The following LMTK2 variants were observed in gnomAD, a reference collection of about 807,000 sequenced individuals.
LMTK2 encodes the protein lemur tail kinase 2, also known as serine/threonine-protein kinase LMTK2.
A neutral mutation model predicts 127.5 loss-of-function variants in LMTK2; 37 were observed. The observed-to-expected ratio is 0.29, with a 90% CI of 0.22 to 0.38. The LOEUF (loss-of-function observed/expected upper bound fraction) is 0.38, where lower values mean the gene tolerates loss of function less well. Among genes scored for constraint, LMTK2 ranks in the 10% least tolerant of loss-of-function variants. The pLI is 1.00. For synonymous variants in LMTK2, 819 were observed against 810.1 expected, an observed-to-expected ratio of 1.01 and a Z score of -0.19; for missense variants, 1,694 against 1,920.3, an observed-to-expected ratio of 0.88 and a Z score of 2.20.
chr7:98,164,601 T>A (rs541023136), intron 6 of LMTK2, among the ~76,000 whole-genome samples: 12 of 152,282 alleles, frequency 7.9e-5, no homozygotes, highest in African/African-American at 2.9e-4. Flanking sequence ...TTCTAATTAT[T>A]AAATAAAAGC....
intron 6 of LMTK2, among the ~76,000 whole-genome samples, chr7:98,165,385 G>A (rs1177665800): frequency 2.0e-5 from 3 of 152,232 alleles, no homozygotes; most frequent in East Asian, 1.9e-4. Context: ...CCCAGGCTGC[G>A]TGTGTCAGGG....
chr7:98,112,921 A>G (rs1344243363), intron 1 of LMTK2, among the ~76,000 whole-genome samples: 2 of 152,178 alleles, frequency 1.3e-5, no homozygotes, highest in African/African-American at 2.4e-5. Flanking sequence ...CAATGGCACA[A>G]TCACAGCTCA....
At chr7:98,181,718 G>A (rs553171118) in intron 7 of LMTK2, among the ~76,000 whole-genome samples, 1 of 152,266 alleles carries the variant, frequency 6.6e-6, no homozygotes, top group East Asian at 1.9e-4. Context: ...GAGTGCAGTG[G>A]CACGATCTCA....
intron 9 of LMTK2, among the ~76,000 whole-genome samples, chr7:98,189,926 G>A (rs1432233481): frequency 6.6e-6 from 1 of 152,016 alleles, no homozygotes; most frequent in Non-Finnish European, 1.5e-5. Flanking sequence ...TCACAGAGAG[G>A]ATATCGTCTT....
intron 11 of LMTK2, among the ~76,000 whole-genome samples, chr7:98,197,543 A>G (rs921434864): frequency 2.0e-5 from 3 of 152,202 alleles, no homozygotes; most frequent in Non-Finnish European, 4.4e-5. Flanking sequence ...CTCCAGCCTG[A>G]TCCGTCATAC....
chr7:98,152,374 G>T (rs1796871889), intron 4 of LMTK2, among the ~76,000 whole-genome samples: 1 of 152,238 alleles, frequency 6.6e-6, no homozygotes, highest in Non-Finnish European at 1.5e-5. Flanking sequence ...CTTCCCAGTA[G>T]TCAGCCATCT....
In LMTK2 at chr7:98,107,014, G is replaced by A. The variant is rs547378746; in HGVS notation, c.-164G>A. On this transcript the variant is annotated 5_prime_UTR_variant, in exon 1 of 14. Coordinates refer to ENST00000297293, the MANE Select transcript of LMTK2 (RefSeq NM_014916.4). ...TTCTGCGACTGGAGCGGCAGGTGCG[G>A]ACCGGGAGCCGGACCGAGGTTTGGC... 99 of 493,370 alleles carry A rather than the reference G, an allele frequency of 2.0e-4. No homozygotes were observed. The highest frequency in any genetic ancestry group is 1.9e-3 in the African/African-American group (92 of 49,532). The allele number at this position is 493,370 out of a possible 1,614,324, so 30.6% of individuals were successfully genotyped here. A position where few individuals can be genotyped will look rare whatever the true frequency, so the allele number is the denominator to read the frequency against.
At chr7:98,190,924 G>T in intron 10 of LMTK2, 47 bp downstream of exon 10, 1 of 1,581,056 alleles carries the variant, frequency 6.3e-7, no homozygotes, top group East Asian at 2.3e-5. Flanking sequence ...TTCACTGTGA[G>T]GTGTCCCCAA....
chr7:98,140,077 ACTTTCTTTCTTT>A lies in LMTK2; in HGVS notation c.232-1263_232-1252del, dbSNP rs1197009143. Among the ~76,000 whole-genome samples, 19 of 23,710 alleles carry A rather than the reference ACTTTCTTTCTTT, an allele frequency of 8.0e-4. 2 individuals carry two copies. Among genetic ancestry groups the A allele is most frequent in the Admixed American group, 1.6e-3 (5 of 3,138 alleles). 15.6% of individuals were successfully genotyped at this position (23,710 alleles called of 152,430 possible). ...GAACGTCACGTAAAAGGTTTCCACA[ACTTTCTTTCTTT>A]CTTTCTTTCTTTCTTTCTTTCTTTC... On this transcript the variant is annotated intron_variant, in intron 2 of 13. Coordinates refer to ENST00000297293, the MANE Select transcript of LMTK2 (RefSeq NM_014916.4).
chr7:98,108,297 T>A (rs993684135), intron 1 of LMTK2, among the ~76,000 whole-genome samples: 10 of 152,326 alleles, frequency 6.6e-5, no homozygotes, highest in African/African-American at 1.9e-4. Flanking sequence ...TGATTTTTTT[T>A]AAGTCTTGTA....
intron 2 of LMTK2, among the ~76,000 whole-genome samples, chr7:98,140,204 T>C (rs554599272): frequency 0.053 from 7,279 of 137,266 alleles, 2,015 homozygotes; most frequent in East Asian, 0.42. Context: ...GTCTTTGAGA[T>C]GGTCTCGCTC....
At chr7:98,124,785 T>TAA (rs141020575) in intron 1 of LMTK2, among the ~76,000 whole-genome samples, 16 of 149,774 alleles carry the variant, frequency 1.1e-4, no homozygotes, top group Non-Finnish European at 1.0e-4. Flanking sequence ...ACTGTGTCTC[T>TAA]AAAAAAAAAA....
chr7:98,205,659 C>A lies in LMTK2; in HGVS notation c.*167C>A. On this transcript the variant is annotated 3_prime_UTR_variant, in exon 14 of 14. Transcript: ENST00000297293. ...GCTCTTAGCTGCGTTCAAGGCGGGG[C>A]CCTCGGGAGCCCAGGTGCAGAGCGA... The A allele has an allele frequency of 1.4e-6, 1 of 721,314 alleles. No individual in the cohort carries two copies. The highest frequency in any genetic ancestry group is 2.3e-6 in the Non-Finnish European group (1 of 433,316). 44.7% of individuals were successfully genotyped at this position (721,314 alleles called of 1,614,324 possible). A position where few individuals can be genotyped will look rare whatever the true frequency, so the allele number is the denominator to read the frequency against.
intron 1 of LMTK2, among the ~76,000 whole-genome samples, chr7:98,128,666 C>A (rs749728720): frequency 5.3e-5 from 8 of 152,270 alleles, no homozygotes; most frequent in Non-Finnish European, 1.0e-4. Flanking sequence ...TGGCTCTGCC[C>A]GTGTGTGGGG....
intron 1 of LMTK2, among the ~76,000 whole-genome samples, chr7:98,111,421 C>T (rs1329365454): frequency 6.6e-6 from 1 of 152,118 alleles, no homozygotes; most frequent in Non-Finnish European, 1.5e-5. Flanking sequence ...CCAACTTTTT[C>T]GTTTAGTTGA....
At chr7:98,109,919 C>T (rs993458142) in intron 1 of LMTK2, among the ~76,000 whole-genome samples, 5 of 151,870 alleles carry the variant, frequency 3.3e-5, no homozygotes, top group Admixed American at 2.0e-4. Flanking sequence ...CTAGTGAGCT[C>T]GCTGGTTAAA....
intron 7 of LMTK2, among the ~76,000 whole-genome samples, chr7:98,176,360 T>C (rs1265448499): frequency 6.6e-6 from 1 of 152,192 alleles, no homozygotes; most frequent in Non-Finnish European, 1.5e-5. Context: ...CAAAACTTAA[T>C]AGCAATATCA....
At chr7:98,114,214 C>T (rs536930477) in intron 1 of LMTK2, among the ~76,000 whole-genome samples, 7 of 148,428 alleles carry the variant, frequency 4.7e-5, no homozygotes, top group African/African-American at 1.5e-4. Context: ...GTAGGTTTTG[C>T]ATTTTATTAT....
intron 1 of LMTK2, among the ~76,000 whole-genome samples, chr7:98,129,280 G>T (rs1796487397): frequency 6.6e-6 from 1 of 152,018 alleles, no homozygotes; most frequent in Non-Finnish European, 1.5e-5. Context: ...AGAGACCCAG[G>T]CTGGTTTTGA....
Sources: gnomAD v4.1 joint callset for allele counts (sites outside exome capture counted in the v4.1 genomes callset) on GRCh38, gnomAD v4.1.1 for gene constraint, MANE v1.5 for transcripts, NCBI Gene and HGNC (gene_info 2026-07-23, HGNC 2026-07-21) for gene names.